ACAP2: variants seen among roughly 807,000 people sequenced by gnomAD.
ACAP2 encodes the protein arf-GAP with coiled-coil, ANK repeat and PH domain-containing protein 2.
Under a neutral mutation model 115.8 loss-of-function variants are expected in ACAP2, and 39 were observed. The observed-to-expected ratio is 0.34, with a 90% confidence interval of 0.26 to 0.44. The LOEUF is 0.44. ACAP2 is among the 20% of genes least tolerant of loss of function. ACAP2 has a pLI of 1.00. For synonymous variants in ACAP2, 289 were observed against 315.8 expected (o/e 0.92, Z 0.90); for missense variants, 662 against 927.6 (o/e 0.71, Z 3.72).
chr3:195,287,533 TTCTCCAGC>T (rs1726924573), intron 21 of ACAP2, among the ~76,000 whole-genome samples: 2 of 152,086 alleles, frequency 1.3e-5, no homozygotes, highest in Admixed American at 6.6e-5. Context: ...GCCCAGGCTT[TTCTCCAGC>T]TTCTGGGCTC....
intron 6 of ACAP2, among the ~76,000 whole-genome samples, chr3:195,337,972 C>T (rs1164438362): frequency 6.6e-6 from 1 of 152,070 alleles, no homozygotes; most frequent in Admixed American, 6.5e-5. Context: ...CCTGGGGCCA[C>T]TCCCACCTCA....
intron 4 of ACAP2, among the ~76,000 whole-genome samples, chr3:195,345,712 G>C (rs1223885305): frequency 6.6e-6 from 1 of 152,142 alleles, no homozygotes; most frequent in Non-Finnish European, 1.5e-5. Context: ...AACAGCTCCA[G>C]AAACGCCATA....
intron 2 of ACAP2, among the ~76,000 whole-genome samples, chr3:195,389,778 T>A (rs1734533842): frequency 2.0e-5 from 3 of 152,254 alleles, no homozygotes; most frequent in Non-Finnish European, 4.4e-5. Context: ...AATTAAAATA[T>A]TAATTTTTAC....
intron 1 of ACAP2, among the ~76,000 whole-genome samples, chr3:195,426,036 A>G (rs1232383561): frequency 6.6e-6 from 1 of 152,176 alleles, no homozygotes; most frequent in Non-Finnish European, 1.5e-5. Flanking sequence ...ATTGCTTCCT[A>G]TTGCACTAAC....
chr3:195,282,363 A>G (rs1349166485), intron 22 of ACAP2: 1 of 152,230 alleles, frequency 6.6e-6, no homozygotes, highest in Non-Finnish European at 1.5e-5. Flanking sequence ...ATAATACAAA[A>G]GGAAGTTGCC....
chr3:195,416,971 A>G (rs948801937), intron 1 of ACAP2, among the ~76,000 whole-genome samples: 9 of 151,946 alleles, frequency 5.9e-5, no homozygotes, highest in Admixed American at 1.3e-4. Context: ...GCTGAAATAC[A>G]GTGACACAAT....
intron 21 of ACAP2, among the ~76,000 whole-genome samples, chr3:195,287,580 G>A (rs1002579121): frequency 6.6e-6 from 1 of 152,020 alleles, no homozygotes; most frequent in Admixed American, 6.6e-5. Context: ...AATCTCCTGA[G>A]TAGCTTGGAT....
intron 1 of ACAP2, among the ~76,000 whole-genome samples, chr3:195,423,572 G>A (rs559468656): frequency 3.6e-5 from 5 of 139,750 alleles, no homozygotes; most frequent in South Asian, 2.2e-4. Flanking sequence ...GCAGTGAGCC[G>A]CAATCGCACC....
intron 15 of ACAP2, 93 bp downstream of exon 15, chr3:195,301,482 G>T: frequency 2.1e-6 from 2 of 938,670 alleles, no homozygotes; most frequent in African/African-American, 1.7e-5. Context: ...TACATTGGTA[G>T]CATGAAGAAC....
chr3:195,359,944 C>G (rs1732240566), intron 4 of ACAP2, among the ~76,000 whole-genome samples: 1 of 152,028 alleles, frequency 6.6e-6, no homozygotes, highest in African/African-American at 2.4e-5. Context: ...AGAAAATCAC[C>G]TTCATTAAAA....
At chr3:195,395,432 A>AC (rs1311705875) in intron 1 of ACAP2, among the ~76,000 whole-genome samples, 4 of 152,222 alleles carry the variant, frequency 2.6e-5, no homozygotes, top group Non-Finnish European at 5.9e-5. Context: ...GGCAAGTTTG[A>AC]CCCATAACCT....
chr3:195,362,041 G>A (rs112149510), intron 4 of ACAP2, among the ~76,000 whole-genome samples: 69 of 152,242 alleles, frequency 4.5e-4, no homozygotes, highest in African/African-American at 1.5e-3. Context: ...GGCTGTGCCC[G>A]GTGGCTCACT....
At chr3:195,367,042 C>A (rs1732771421) in intron 4 of ACAP2, among the ~76,000 whole-genome samples, 1 of 136,074 alleles carries the variant, frequency 7.3e-6, no homozygotes, top group South Asian at 2.6e-4. Context: ...TATATGCCCC[C>A]CAACCCCGCC....
At chr3:195,297,153 A>G (rs749339401) in intron 16 of ACAP2, 37 bp downstream of exon 16, 39 of 1,544,304 alleles carry the variant, frequency 2.5e-5, no homozygotes, top group Non-Finnish European at 2.9e-5. Context: ...TCATAGCTAT[A>G]TTCCTAATTA....
rs181361829 is a variant in ACAP2, at chr3:195,340,770, C to A, written c.528+1701G>T. Among the ~76,000 whole-genome samples the A allele has an allele frequency of 2.6e-3, 402 of 152,188 alleles. 3 individuals carry two copies. Among genetic ancestry groups the A allele is most frequent in the African/African-American group, 7.3e-3 (304 of 41,514 alleles). ...TTCAGTGGGTTAGGCAGGGTGAGTA[C>A]CCTGTAGTGTGGGTACACTACAGCA... On this transcript the variant is annotated intron_variant, in intron 6 of 22. Transcript: ENST00000326793.
chr3:195,402,571 T>C (rs921068192), intron 1 of ACAP2, among the ~76,000 whole-genome samples: 4 of 152,206 alleles, frequency 2.6e-5, no homozygotes, highest in African/African-American at 9.6e-5. Context: ...ATTTTTATAA[T>C]ACTCTTCTAG....
intron 21 of ACAP2, 136 bp downstream of exon 21, chr3:195,288,985 T>C (rs1480729496): frequency 3.3e-6 from 2 of 600,832 alleles, no homozygotes; most frequent in Non-Finnish European, 5.8e-6. Flanking sequence ...TGTAAATACA[T>C]ACCATTTTAT....
chr3:195,388,337 C>T (rs1734434658), intron 2 of ACAP2, among the ~76,000 whole-genome samples: 1 of 152,180 alleles, frequency 6.6e-6, no homozygotes, highest in Non-Finnish European at 1.5e-5. Flanking sequence ...GCAACACATG[C>T]AGAAATTAAG....
At chr3:195,402,024 C>T (rs186609171) in intron 1 of ACAP2, among the ~76,000 whole-genome samples, 1 of 152,238 alleles carries the variant, frequency 6.6e-6, no homozygotes, top group African/African-American at 2.4e-5. Flanking sequence ...AGAATGAGCA[C>T]CCCACCACCA....
Sources: allele counts gnomAD v4.1 joint callset (sites outside exome capture counted in the v4.1 genomes callset), GRCh38; gene constraint gnomAD v4.1.1; transcripts MANE v1.5; gene names NCBI Gene and HGNC (gene_info 2026-07-23, HGNC 2026-07-21).